Variants in SLC4A4 observed in about 807,000 individuals in gnomAD.
The protein encoded by SLC4A4 is electrogenic sodium bicarbonate cotransporter 1.
In SLC4A4, 27 loss-of-function variants were observed where a neutral mutation model predicts 111.5. The ratio of observed to expected loss-of-function variants is 0.24; its 90% confidence interval spans 0.18 to 0.33. The LOEUF is 0.33. Ranked by LOEUF, SLC4A4 falls within the 10% of genes least tolerant of loss-of-function variation. The probability of loss-of-function intolerance (pLI) is 1.00; values close to 1 mark genes in which losing one functional copy is unlikely to be tolerated. For synonymous variants in SLC4A4, 443 were observed against 463.4 expected (o/e 0.96, Z 0.57); for missense variants, 909 against 1,315.5 (o/e 0.69, Z 4.78).
intron 7 of SLC4A4, among the ~76,000 whole-genome samples, chr4:71,411,424 G>C (rs143140155): frequency 5.9e-5 from 9 of 151,952 alleles, no homozygotes; most frequent in African/African-American, 2.2e-4. Context: ...TACAGCACAT[G>C]ATGCTTTTCT....
intron 2 of SLC4A4, among the ~76,000 whole-genome samples, chr4:71,128,750 A>T (rs1286608081): frequency 3.9e-5 from 6 of 152,074 alleles, no homozygotes; most frequent in Admixed American, 2.0e-4. Flanking sequence ...TGACCTCCCA[A>T]AGTTCTGGGA....
chr4:71,365,648 A>G (rs1346542440), intron 6 of SLC4A4, among the ~76,000 whole-genome samples: 1 of 152,198 alleles, frequency 6.6e-6, no homozygotes, highest in African/African-American at 2.4e-5. Context: ...AGGTTTGTGA[A>G]CCCAATTTCT....
intron 3 of SLC4A4, among the ~76,000 whole-genome samples, chr4:71,316,261 C>T (rs1726668275): frequency 6.6e-6 from 1 of 152,128 alleles, no homozygotes; most frequent in African/African-American, 2.4e-5. Flanking sequence ...TTGCCAACAG[C>T]CTTACTTTTG....
intron 16 of SLC4A4, among the ~76,000 whole-genome samples, chr4:71,524,826 A>G (rs1385209284): frequency 1.3e-5 from 2 of 152,102 alleles, no homozygotes; most frequent in Non-Finnish European, 2.9e-5. Context: ...TCCAAGCACC[A>G]CAATCACTAG....
chr4:71,175,738 C>T (rs541228762), intron 2 of SLC4A4, among the ~76,000 whole-genome samples: 1 of 151,030 alleles, frequency 6.6e-6, no homozygotes, highest in East Asian at 2.0e-4. Context: ...CCTCTGTAGA[C>T]TCCACCTCTG....
chr4:71,306,312 G>T (rs1245440926), intron 3 of SLC4A4, among the ~76,000 whole-genome samples: 1 of 152,216 alleles, frequency 6.6e-6, no homozygotes, highest in Admixed American at 6.5e-5. Context: ...GCTGGGCGCG[G>T]TGGCTCACAC....
intron 16 of SLC4A4, among the ~76,000 whole-genome samples, chr4:71,511,441 T>G (rs1484097455): frequency 6.6e-6 from 1 of 152,118 alleles, no homozygotes; most frequent in Admixed American, 6.6e-5. Context: ...TTGTCTTTTA[T>G]TTTTCATTTT....
At chr4:71,362,306 T>C (rs1730866707) in intron 6 of SLC4A4, among the ~76,000 whole-genome samples, 1 of 152,192 alleles carries the variant, frequency 6.6e-6, no homozygotes, top group Non-Finnish European at 1.5e-5. Context: ...CGACCTCACT[T>C]TGTATTAGTG....
intron 16 of SLC4A4, among the ~76,000 whole-genome samples, chr4:71,516,774 T>C (rs1018619008): frequency 1.8e-4 from 27 of 152,352 alleles, no homozygotes; most frequent in Admixed American, 7.2e-4. Context: ...GTGAGTTCCT[T>C]CTTGGACTCT....
intron 3 of SLC4A4, among the ~76,000 whole-genome samples, chr4:71,318,749 T>C (rs973906277): frequency 6.6e-6 from 1 of 151,898 alleles, no homozygotes; most frequent in African/African-American, 2.4e-5. Flanking sequence ...TTTACTTAAC[T>C]ATAATTTATT....
At chr4:71,293,157 G>A (rs1488020826) in intron 3 of SLC4A4, among the ~76,000 whole-genome samples, 1 of 150,868 alleles carries the variant, frequency 6.6e-6, no homozygotes, top group Admixed American at 6.6e-5. Flanking sequence ...TTGTTTTTAA[G>A]ATTTCTACCT....
At chr4:71,468,751 T>G (rs1727611872) in intron 13 of SLC4A4, among the ~76,000 whole-genome samples, 1 of 150,180 alleles carries the variant, frequency 6.7e-6, no homozygotes, top group Non-Finnish European at 1.5e-5. Flanking sequence ...AAAAAACCTC[T>G]GTGGTCCCAG....
At chr4:71,481,896 T>C (rs559974434) in intron 14 of SLC4A4, among the ~76,000 whole-genome samples, 13 of 146,598 alleles carry the variant, frequency 8.9e-5, no homozygotes, top group African/African-American at 2.3e-4. Flanking sequence ...CCAGTGGTAA[T>C]TGGCTACATC....
chr4:71,401,424 G>A (rs1720354754), intron 7 of SLC4A4, among the ~76,000 whole-genome samples: 2 of 152,254 alleles, frequency 1.3e-5, no homozygotes, highest in Non-Finnish European at 1.5e-5. Context: ...AAACACCTGT[G>A]GAGAAGTAGA....
intron 16 of SLC4A4, among the ~76,000 whole-genome samples, chr4:71,521,810 G>T (rs945955235): frequency 6.6e-6 from 1 of 152,106 alleles, no homozygotes; most frequent in African/African-American, 2.4e-5. Context: ...ATTGCATGTG[G>T]CACTCCAGGT....
intron 2 of SLC4A4, among the ~76,000 whole-genome samples, chr4:71,119,840 T>C (rs1470995893): frequency 6.6e-6 from 1 of 152,218 alleles, no homozygotes; most frequent in Non-Finnish European, 1.5e-5. Flanking sequence ...TTAGTCTGTC[T>C]TTATATTGTG....
rs1560801621 is a variant in SLC4A4, at chr4:71,236,625, G to C, written c.49G>C (p.Val17Leu). The change falls in exon 2 of 26, where the codon GTG (valine) becomes CTG (leucine). Residue 17 changes from valine (V) to leucine (L), a missense_variant. By Grantham distance (32) the Val-to-Leu change is conservative. Around this residue, in one of 7 missense-constraint regions of SLC4A4, gnomAD observed 117 missense variants for 154.2 expected, o/e 0.76. Transcript: ENST00000264485. ...CAGAGGGGCTTCCTTCCTCAAGCAT[G>C]TGTGTGATGAAGAAGAAGTAGAAGG... ...LDRGASFLKHVCDEEEVEGHH... is the reference protein window; with the variant it reads ...LDRGASFLKHLCDEEEVEGHH... 1 of 1,613,908 alleles carries C rather than the reference G, an allele frequency of 6.2e-7. No homozygotes were observed.
chr4:71,301,277 C>T (rs1330854957), intron 3 of SLC4A4: 3 of 249,826 alleles, frequency 1.2e-5, no homozygotes, highest in African/African-American at 2.3e-5. Flanking sequence ...ATGGAGCCAC[C>T]TCCCAGTAGG....
At position 71,546,448 on chromosome 4, in the gene SLC4A4, C is replaced by G. The variant is rs1312234984; in HGVS notation, c.2541C>G (p.Ile847Met). Residue 847 changes from isoleucine (I) to methionine (M), a missense_variant, in exon 19 of 26, where the codon ATC becomes ATG. Coordinates refer to ENST00000264485, the MANE Select transcript of SLC4A4 (RefSeq NM_001098484.3). ...CGTGGTATGTAGCTGCTACGGTCAT[C>G]TCCATTGCTCACATCGACAGTTTGA... is the stretch of plus-strand genomic sequence containing the variant. Reference protein sequence around the residue: ...ALPWYVAATVISIAHIDSLKM... With the variant: ...ALPWYVAATVMSIAHIDSLKM... 1 of 1,612,716 alleles carries G rather than the reference C, an allele frequency of 6.2e-7. No homozygotes were observed. The highest frequency in any genetic ancestry group is 1.1e-5 in the South Asian group (1 of 91,076).
Sources: allele counts gnomAD v4.1 joint callset (sites outside exome capture counted in the v4.1 genomes callset), GRCh38; gene constraint gnomAD v4.1.1; regional missense constraint gnomAD v4.1.1; transcripts MANE v1.5; gene names NCBI Gene and HGNC (gene_info 2026-07-23, HGNC 2026-07-21).